Variants in FBXL19 observed in about 807,000 individuals in gnomAD.
The protein encoded by FBXL19 is F-box/LRR-repeat protein 19.
In FBXL19, 16 loss-of-function variants were observed where a neutral mutation model predicts 71.2. The ratio of observed to expected loss-of-function variants is 0.22; its 90% CI spans 0.15 to 0.34. FBXL19 has a LOEUF of 0.34. Ranked by LOEUF, FBXL19 falls within the 10% of genes least tolerant of loss-of-function variation. FBXL19 has a pLI of 1.00. For missense variants in FBXL19, 658 were observed against 968.2 expected (o/e 0.68, Z 4.25); for synonymous variants, 447 against 409.4 (o/e 1.09, Z -1.11).
Position 30,925,584 on chromosome 16 carries a change from C to T in FBXL19, c.-24-147C>T. On this transcript the variant is annotated intron_variant, in intron 1 of 10. Coordinates refer to ENST00000338343, the MANE Select transcript of FBXL19 (RefSeq NM_001382779.1). The surrounding 1 kb of genome is among the most constrained non-coding windows in gnomAD (Gnocchi z 5.0). ...AGACAGGCCTTGAGTAGAGGATTGG[C>T]CCCCAGATACACAGAAGGGGGTGAC... 1.2e-6 allele frequency: 1 copy of T among 835,190 alleles called. No homozygotes were observed. Among genetic ancestry groups the T allele is most frequent in the Non-Finnish European group, 1.7e-6 (1 of 593,372 alleles). 51.7% of individuals were successfully genotyped at this position (835,190 alleles called of 1,614,324 possible). A position where few individuals can be genotyped will look rare whatever the true frequency, so the allele number is the denominator to read the frequency against.
chr16:30,945,609 G>A (rs1283412205), intron 9 of FBXL19, among the ~76,000 whole-genome samples: 1 of 150,224 alleles, frequency 6.7e-6, no homozygotes, highest in Non-Finnish European at 1.5e-5. Flanking sequence ...GTTGCAGTGA[G>A]CCGAGATTGC....
Position 30,930,683 on chromosome 16 carries a change from A to G in FBXL19, c.1301+99A>G. 1 of 1,260,202 alleles carries G rather than the reference A, an allele frequency of 7.9e-7. No individual in the cohort carries two copies. Among genetic ancestry groups the G allele is most frequent in the Non-Finnish European group, 1.0e-6 (1 of 966,820 alleles). The allele number at this position is 1,260,202 out of a possible 1,614,324, so 78.1% of individuals were successfully genotyped here. On this transcript the variant is annotated intron_variant, in intron 7 of 10. Transcript: ENST00000338343. The surrounding 1 kb of genome is among the most constrained non-coding windows in gnomAD (Gnocchi z 8.5). ...CTGGCCCTCTCTGGGCCTTGCTTTT[A>G]TATTGGGGATACTTCTCTAGTATGC...
upstream of FBXL19, among the ~76,000 whole-genome samples, chr16:30,923,494 C>T (rs1057016868): frequency 2.1e-5 from 3 of 141,878 alleles, no homozygotes; most frequent in African/African-American, 7.9e-5. Context: ...GGGCGGGGTT[C>T]CTCTGGGAGA....
chr16:30,928,614 C>T lies in FBXL19; in HGVS notation c.775C>T (p.Pro259Ser). ...AFSSCHPGLPPENWEKPKPPL... is the reference protein window; with the variant it reads ...AFSSCHPGLPSENWEKPKPPL... ...CTCATCCTGCCACCCTGGGCTCCCT[C>T]CCGAGAACTGGGAGGTGTGCCGGGG... Residue 259 changes from proline to serine, a missense_variant, in exon 6 of 11, where the codon CCC becomes TCC. Physicochemically the swap from Pro to Ser is moderately conservative, Grantham distance 74. Transcript: ENST00000338343. 6.3e-7 allele frequency: 1 copy of T among 1,587,528 alleles called. No individual in the cohort carries two copies. The highest frequency in any genetic ancestry group is 8.6e-7 in the Non-Finnish European group (1 of 1,168,222).
chr16:30,925,983 T>A lies in FBXL19; in HGVS notation c.177+52T>A. 2 of 1,426,666 alleles carry A rather than the reference T, an allele frequency of 1.4e-6. No individual in the cohort carries two copies. The highest frequency in any genetic ancestry group is 1.8e-6 in the Non-Finnish European group (2 of 1,093,064). The allele number at this position is 1,426,666 out of a possible 1,614,324, so 88.4% of individuals were successfully genotyped here. On this transcript the variant is annotated intron_variant, in intron 2 of 10. Coordinates refer to ENST00000338343, the MANE Select transcript of FBXL19 (RefSeq NM_001382779.1). This position sits in a 1 kb window ranked among gnomAD's most constrained non-coding sequence, Gnocchi z 5.0. ...CTGCCCACCCTTCCCAATACCTTCT[T>A]GGAATGGCTGGTGACTGCCTCCCAG...
chr16:30,924,683 G>A (rs2055569338), intron 1 of FBXL19: 1 of 1,440,750 alleles, frequency 6.9e-7, no homozygotes, highest in African/African-American at 1.5e-5. Flanking sequence ...TGCAGTCGCC[G>A]CCCTCCAGGC....
rs748372068 is a variant in FBXL19 at position 30,928,642 on chromosome 16, C to T, written c.789+14C>T. ...GAGAACTGGGAGGTGTGCCGGGGAC[C>T]TCCTCCCTCCCCTTCCCACCTTCCC... On this transcript the variant is annotated intron_variant, in intron 6 of 10. Coordinates refer to ENST00000338343, the MANE Select transcript of FBXL19 (RefSeq NM_001382779.1). The T allele has an allele frequency of 5.2e-6, 8 of 1,531,440 alleles. No individual in the cohort carries two copies. The highest frequency in any genetic ancestry group is 5.3e-6 in the Non-Finnish European group (6 of 1,138,662). 94.9% of individuals were successfully genotyped at this position (1,531,440 alleles called of 1,614,324 possible).
chr16:30,939,338 T>C (rs2055774396), intron 7 of FBXL19, among the ~76,000 whole-genome samples: 1 of 152,106 alleles, frequency 6.6e-6, no homozygotes, highest in Non-Finnish European at 1.5e-5. Flanking sequence ...CCCAAAGTGC[T>C]GGGATTACAC....
intron 7 of FBXL19, among the ~76,000 whole-genome samples, chr16:30,941,850 A>T (rs2055805409): frequency 6.6e-6 from 1 of 152,164 alleles, no homozygotes; most frequent in Admixed American, 6.5e-5. Context: ...GGGCAGGCAG[A>T]GTGGGGGGGC....
chr16:30,930,567 C>T lies in FBXL19; in HGVS notation c.1284C>T (p.Cys428=). ...PRELCICMRV[C]RTWSRWCYDK... ...AGCTGTGTATCTGCATGCGAGTCTG[C>T]CGAACTTGGAGCCGCTGGTGAGTGG... The change falls in exon 7 of 11, where the codon TGC becomes TGT. Residue 428 remains cysteine, a synonymous_variant. Transcript: ENST00000338343. This position sits in a 1 kb window ranked among gnomAD's most constrained non-coding sequence, Gnocchi z 8.5. 6.9e-7 allele frequency: 1 copy of T among 1,458,976 alleles called. No individual in the cohort carries two copies. The highest frequency in any genetic ancestry group is 9.0e-7 in the Non-Finnish European group (1 of 1,110,484). 90.4% of individuals were successfully genotyped at this position (1,458,976 alleles called of 1,614,324 possible).
rs554433127 is a variant in FBXL19 at position 30,923,641 on chromosome 16, C to T, written c.-843C>T. On this transcript the variant is annotated 5_prime_UTR_variant, in exon 1 of 11. Transcript: ENST00000338343. ...CGGCCAGGGCCCCGGGCCGTAGCAG[C>T]GCGGGGCTGGGGGACCAGGGGGGCT... Among the ~76,000 whole-genome samples, 43 of 151,424 alleles carry T rather than the reference C, an allele frequency of 2.8e-4. No individual in the cohort carries two copies. Among genetic ancestry groups the T allele is most frequent in the African/African-American group, 9.7e-4 (40 of 41,324 alleles).
rs1194289453 is a variant in FBXL19, at chr16:30,948,291, CA to C, written c.*1062del. On this transcript the variant is annotated 3_prime_UTR_variant, in exon 11 of 11. Coordinates refer to ENST00000338343, the MANE Select transcript of FBXL19 (RefSeq NM_001382779.1). ...TTCATCGTCATGGAAACTTGTATCC[CA>C]TTTGCCCAGGGAACTGCCACTCCTG... 5 of 153,478 alleles carry C rather than the reference CA, an allele frequency of 3.3e-5. No homozygotes were observed. Among genetic ancestry groups the C allele is most frequent in the African/African-American group, 1.2e-4 (5 of 41,470 alleles). 9.5% of individuals were successfully genotyped at this position (153,478 alleles called of 1,614,324 possible).
chr16:30,945,849 GAAAAAAAAA>G (rs11464927), intron 9 of FBXL19, among the ~76,000 whole-genome samples: 27,925 of 87,228 alleles, frequency 0.32, 3,802 homozygotes, highest in South Asian at 0.69. Flanking sequence ...CCGTCTCGGG[GAAAAAAAAA>G]AAAAAAAAAA....
chr16:30,942,097 T>C lies in FBXL19; in HGVS notation c.1302-19T>C. The C allele has an allele frequency of 6.5e-7, 1 of 1,543,514 alleles. No homozygotes were observed. Among genetic ancestry groups the C allele is most frequent in the Admixed American group, 1.9e-5 (1 of 52,212 alleles). ...AGAGCTGAGGGCTGAGGTCTCTGTC[T>C]CCCCCCTATGGCCGCCAGGTGCTAT... On this transcript the variant is annotated intron_variant, in intron 7 of 10. Coordinates refer to ENST00000338343, the MANE Select transcript of FBXL19 (RefSeq NM_001382779.1). The surrounding 1 kb of genome is among the most constrained non-coding windows in gnomAD (Gnocchi z 5.7).
rs767784472 is a variant in FBXL19, at chr16:30,927,888, C to G, written c.552C>G (p.Pro184=). The G allele has an allele frequency of 8.5e-6, 13 of 1,531,708 alleles. No individual in the cohort carries two copies. Among genetic ancestry groups the G allele is most frequent in the East Asian group, 2.4e-5 (1 of 41,446 alleles). The allele number at this position is 1,531,708 out of a possible 1,614,324, so 94.9% of individuals were successfully genotyped here. ...AGGGCCCCCTGCCTGCCGGGCCCCC[C>G]CCGGAGGACGTGCCTGGGCCCCCCA... The part of the protein sequence containing the change: ...RRKGPLPAGP[P]PEDVPGPPKR... The change falls in exon 5 of 11, where the codon CCC becomes CCG. Residue 184 remains proline, a synonymous_variant. Coordinates refer to ENST00000338343, the MANE Select transcript of FBXL19 (RefSeq NM_001382779.1).
intron 2 of FBXL19, among the ~76,000 whole-genome samples, chr16:30,927,038 A>G (rs2055600264): frequency 6.6e-6 from 1 of 152,234 alleles, no homozygotes; most frequent in Non-Finnish European, 1.5e-5. Context: ...ACAGCTACAT[A>G]TCAGTGTCTC....
In FBXL19 at chr16:30,924,440, G is replaced by T. The variant is rs2055565449; in HGVS notation, c.-44G>T. 9.3e-6 allele frequency: 3 copies of T among 321,014 alleles called. No individual in the cohort carries two copies. The allele number at this position is 321,014 out of a possible 1,614,324, so 19.9% of individuals were successfully genotyped here. On this transcript the variant is annotated 5_prime_UTR_variant, in exon 1 of 11. Transcript: ENST00000338343. ...GGGAGCTGCCGAGAAGGGAGAGATG[G>T]CTCCCGGGACACGTGTGAGGTGGGT... is the stretch of plus-strand genomic sequence containing the variant.
At position 30,930,812 on chromosome 16, in the gene FBXL19, C is replaced by G. The variant is rs1487027925; in HGVS notation, c.1301+228C>G. ...ACTTTGAGGTAGAGGTTATTTTCCC[C>G]TTTTTCAGATGAAGCTGAGGCCCAA... On this transcript the variant is annotated intron_variant, in intron 7 of 10. Coordinates refer to ENST00000338343, the MANE Select transcript of FBXL19 (RefSeq NM_001382779.1). This position sits in a 1 kb window ranked among gnomAD's most constrained non-coding sequence, Gnocchi z 8.5. 5.3e-5 allele frequency among the ~76,000 whole-genome samples: 8 copies of G among 152,148 alleles called. No homozygotes were observed. Among genetic ancestry groups the G allele is most frequent in the Non-Finnish European group, 1.2e-4 (8 of 68,012 alleles).
At chr16:30,933,176 C>CT (rs893168876) in intron 7 of FBXL19, among the ~76,000 whole-genome samples, 3 of 151,606 alleles carry the variant, frequency 2.0e-5, no homozygotes, top group South Asian at 2.1e-4. Flanking sequence ...AATTTTTGCA[C>CT]TTTTTTAGAA....
Sources: allele counts gnomAD v4.1 joint callset (sites outside exome capture counted in the v4.1 genomes callset), GRCh38; gene constraint gnomAD v4.1.1; non-coding constraint Gnocchi (gnomAD v3.1); transcripts MANE v1.5; gene names NCBI Gene and HGNC (gene_info 2026-07-23, HGNC 2026-07-21).